Variants in KCTD19 observed in about 807,000 individuals in gnomAD.
KCTD19 encodes the protein BTB/POZ domain-containing protein KCTD19.
A neutral mutation model predicts 103.5 loss-of-function variants in KCTD19; 67 were observed. The observed-to-expected ratio is 0.65, with a 90% CI of 0.53 to 0.79. The LOEUF is 0.79. Ranked by LOEUF, KCTD19 falls within the 30% of genes least tolerant of loss-of-function variation. The pLI is 0.00. For missense variants in KCTD19, 980 were observed against 1,136.1 expected, an observed-to-expected ratio of 0.86 and a Z score of 1.98; for synonymous variants, 439 against 452.2, an observed-to-expected ratio of 0.97 and a Z score of 0.37.
At position 67,296,228 on chromosome 16, in the gene KCTD19, G is replaced by A; in HGVS notation, c.1179C>T (p.Ser393=). 6.2e-7 allele frequency: 1 copy of A among 1,613,254 alleles called. No individual in the cohort carries two copies. The highest frequency in any genetic ancestry group is 8.5e-7 in the Non-Finnish European group (1 of 1,179,170). The change falls in exon 8 of 16, where the codon TCC becomes TCT. Residue 393 remains serine (S), a synonymous_variant. Transcript: ENST00000304372. Reference sequence around the variant, plus strand: ...CATACACTTTGATGATCTGTTGTGGGGAATACACAGTGATCTCTGCCGTCC... The same window carrying A: ...CATACACTTTGATGATCTGTTGTGGAGAATACACAGTGATCTCTGCCGTCC... ...NEWTAEITVY[S]PQQIIKVYVG...
intron 15 of KCTD19, among the ~76,000 whole-genome samples, chr16:67,290,595 A>G (rs955058379): frequency 4.6e-5 from 7 of 152,234 alleles, no homozygotes; most frequent in Non-Finnish European, 8.8e-5. Context: ...TATGAGTCAA[A>G]GCTTGGGCTC....
chr16:67,317,432 A>G (rs1269717684), intron 2 of KCTD19, among the ~76,000 whole-genome samples: 1 of 151,788 alleles, frequency 6.6e-6, no homozygotes, highest in Non-Finnish European at 1.5e-5. Context: ...GAGCCGAGAT[A>G]GCACCACTGC....
intron 2 of KCTD19, among the ~76,000 whole-genome samples, chr16:67,306,492 C>T (rs1157291697): frequency 6.6e-6 from 1 of 152,142 alleles, no homozygotes; most frequent in African/African-American, 2.4e-5. Flanking sequence ...TCTCAAACTC[C>T]TGGCCTCAAA....
At chr16:67,321,180 C>G (rs1281661655) in intron 1 of KCTD19, among the ~76,000 whole-genome samples, 1 of 151,946 alleles carries the variant, frequency 6.6e-6, no homozygotes, top group Non-Finnish European at 1.5e-5. Flanking sequence ...GAGCAAGATC[C>G]TGTCTCAAAA....
At chr16:67,309,694 TG>T (rs2036930411) in intron 2 of KCTD19, among the ~76,000 whole-genome samples, 2 of 152,144 alleles carry the variant, frequency 1.3e-5, no homozygotes, top group Non-Finnish European at 1.5e-5. Flanking sequence ...ATTGGCCACG[TG>T]GGAGAAGGCC....
chr16:67,317,779 T>C (rs2037028274), intron 2 of KCTD19, among the ~76,000 whole-genome samples: 1 of 152,202 alleles, frequency 6.6e-6, no homozygotes. Context: ...ACATTATATT[T>C]TTATTGGATC....
At position 67,320,027 on chromosome 16, in the gene KCTD19, G is replaced by C. The variant is rs914747556; in HGVS notation, c.300+562C>G. Among the ~76,000 whole-genome samples, 1 of 152,222 alleles carries C rather than the reference G, an allele frequency of 6.6e-6. No homozygotes were observed. Among genetic ancestry groups the C allele is most frequent in the Non-Finnish European group, 1.5e-5 (1 of 68,040 alleles). ...GCCAGGGGCACCCTCTCAGTGGATA[G>C]TAAATCCCATTCTGGGTCCATGGTG... On this transcript the variant is annotated intron_variant, in intron 2 of 15. Coordinates refer to ENST00000304372, the MANE Select transcript of KCTD19 (RefSeq NM_001100915.3). The surrounding 1 kb of genome is among the most constrained non-coding windows in gnomAD (Gnocchi z 4.0).
Position 67,297,677 on chromosome 16 carries a change from A to G in KCTD19, c.987-14T>C, listed in dbSNP as rs777452867. On this transcript the variant is annotated splice_polypyrimidine_tract_variant and intron_variant, in intron 6 of 15. Transcript: ENST00000304372. ...CCCAGCCAGTTCCTGCCCAGAGGAA[A>G]GGTCTGTCATGAAGAACATCAGCAT... The G allele has an allele frequency of 6.2e-7, 1 of 1,612,772 alleles. No individual in the cohort carries two copies. The highest frequency in any genetic ancestry group is 1.1e-5 in the South Asian group (1 of 90,990).
chr16:67,319,688 T>TATA (rs34930442), intron 2 of KCTD19, among the ~76,000 whole-genome samples: 13,875 of 148,230 alleles, frequency 0.094, 773 homozygotes, highest in Non-Finnish European at 0.11. Context: ...TTAAAGCTCT[T>TATA]ATAATAATAA....
Position 67,323,501 on chromosome 16 carries a change from C to G in KCTD19, c.4-2616G>C, listed in dbSNP as rs199671936. On this transcript the variant is annotated intron_variant, in intron 1 of 15. Coordinates refer to ENST00000304372, the MANE Select transcript of KCTD19 (RefSeq NM_001100915.3). This position sits in a 1 kb window ranked among gnomAD's most constrained non-coding sequence, Gnocchi z 4.1. ...TCGTGCCATTGCACTCCAGCCTGGGCGTCAGAGTGAGGCACGTCTCTAAAA... is the reference window on the plus strand; with the variant it reads ...TCGTGCCATTGCACTCCAGCCTGGGGGTCAGAGTGAGGCACGTCTCTAAAA... 2.0e-5 allele frequency among the ~76,000 whole-genome samples: 3 copies of G among 151,950 alleles called. No individual in the cohort carries two copies. The highest frequency in any genetic ancestry group is 2.9e-5 in the Non-Finnish European group (2 of 68,020).
Position 67,293,443 on chromosome 16 carries a change from G to T in KCTD19, c.2218+101C>A, listed in dbSNP as rs996165480. ...AGAGATGGCATTGGTGAGCGGGGGG[G>T]TCTAGTCCTCCTTTGTCACTAACTT... On this transcript the variant is annotated intron_variant, in intron 12 of 15. Transcript: ENST00000304372. The surrounding 1 kb of genome is among the most constrained non-coding windows in gnomAD (Gnocchi z 4.0). 3.8e-6 allele frequency: 5 copies of T among 1,322,370 alleles called. No homozygotes were observed. The South Asian group carries it at 4.1e-5, about 11-fold the overall frequency. The allele number at this position is 1,322,370 out of a possible 1,614,324, so 81.9% of individuals were successfully genotyped here.
At chr16:67,315,311 C>CTT (rs771972233) in intron 2 of KCTD19, among the ~76,000 whole-genome samples, 2 of 141,502 alleles carry the variant, frequency 1.4e-5, no homozygotes, top group Admixed American at 7.1e-5. Context: ...AACTATTCCT[C>CTT]TTTTTTTTTT....
chr16:67,309,128 CAAA>C (rs60872060), intron 2 of KCTD19, among the ~76,000 whole-genome samples: 4 of 75,886 alleles, frequency 5.3e-5, no homozygotes, highest in Admixed American at 1.6e-4. Context: ...GACTTCAGCT[CAAA>C]AAAAAAAAAA....
At position 67,293,516 on chromosome 16, in the gene KCTD19, A is replaced by G; in HGVS notation, c.2218+28T>C. ...GTTTGCCTTCTCTGTTGTGAATAAG[A>G]CTTAGATCAAAGGGGGACAGGACTC... On this transcript the variant is annotated intron_variant, in intron 12 of 15. Transcript: ENST00000304372. This position sits in a 1 kb window ranked among gnomAD's most constrained non-coding sequence, Gnocchi z 4.0. 3 of 1,603,642 alleles carry G rather than the reference A, an allele frequency of 1.9e-6. No homozygotes were observed. The highest frequency in any genetic ancestry group is 2.6e-6 in the Non-Finnish European group (3 of 1,174,046).
intron 12 of KCTD19, among the ~76,000 whole-genome samples, chr16:67,292,415 C>T (rs915301576): frequency 2.6e-5 from 4 of 152,108 alleles, no homozygotes; most frequent in Admixed American, 1.3e-4. Context: ...TTTTGGAACT[C>T]GAAGAAACTC....
intron 2 of KCTD19, among the ~76,000 whole-genome samples, chr16:67,316,146 A>G (rs1274061032): frequency 6.6e-6 from 1 of 152,136 alleles, no homozygotes; most frequent in African/African-American, 2.4e-5. Context: ...GGCTCAAGCA[A>G]TCCTCCCACC....
At chr16:67,314,248 CT>C (rs1318719549) in intron 2 of KCTD19, among the ~76,000 whole-genome samples, 15 of 150,900 alleles carry the variant, frequency 9.9e-5, no homozygotes, top group South Asian at 4.2e-4. Context: ...CTCCTTCCCC[CT>C]CTCTTCCCTT....
chr16:67,317,011 G>T (rs1381850601), intron 2 of KCTD19, among the ~76,000 whole-genome samples: 1 of 152,186 alleles, frequency 6.6e-6, no homozygotes, highest in Non-Finnish European at 1.5e-5. Context: ...AGTAGAATAT[G>T]CATTTGTTGA....
chr16:67,296,459 A>G (rs1368265732), intron 7 of KCTD19, among the ~76,000 whole-genome samples, 200 bp from the exon 8 acceptor site: 1 of 152,180 alleles, frequency 6.6e-6, no homozygotes, highest in Non-Finnish European at 1.5e-5. Flanking sequence ...GAGGCGGGAA[A>G]GGGCACTGCC....
Sources: allele counts gnomAD v4.1 joint callset (sites outside exome capture counted in the v4.1 genomes callset), GRCh38; gene constraint gnomAD v4.1.1; non-coding constraint Gnocchi (gnomAD v3.1); transcripts MANE v1.5; gene names NCBI Gene and HGNC (gene_info 2026-07-23, HGNC 2026-07-21).